Variants in ODAD2 observed in about 807,000 individuals in gnomAD.
The protein encoded by ODAD2 is outer dynein arm docking complex subunit 2.
Under a neutral mutation model 106.8 loss-of-function variants are expected in ODAD2, and 89 were observed. That is an observed-to-expected ratio of 0.83 (90% CI 0.70 to 0.99). The LOEUF (loss-of-function observed/expected upper bound fraction) is 0.99. Among genes scored for constraint, ODAD2 ranks in the 50% least tolerant of loss-of-function variants. The pLI is 0.00. For synonymous variants in ODAD2, 404 were observed against 436.2 expected, an observed-to-expected ratio of 0.93 and a Z score of 0.92; for missense variants, 1,168 against 1,238.5, an observed-to-expected ratio of 0.94 and a Z score of 0.85.
intron 10 of ODAD2, among the ~76,000 whole-genome samples, chr10:27,959,971 A>G (rs1285207384): frequency 6.6e-6 from 1 of 152,170 alleles, no homozygotes; most frequent in Non-Finnish European, 1.5e-5. Flanking sequence ...TAGAAATTTC[A>G]TAATACAAAA....
At chr10:27,874,794 C>A (rs889447977) in intron 17 of ODAD2, among the ~76,000 whole-genome samples, 4 of 152,148 alleles carry the variant, frequency 2.6e-5, no homozygotes, top group African/African-American at 9.7e-5. Context: ...AACATTTTTT[C>A]CTTCATTTCA....
At chr10:27,918,373 C>T (rs1029466881) in intron 16 of ODAD2, among the ~76,000 whole-genome samples, 1 of 151,836 alleles carries the variant, frequency 6.6e-6, no homozygotes, top group South Asian at 2.1e-4. Flanking sequence ...CCTTCCAAAA[C>T]AAATCATGGT....
chr10:27,854,451 A>AAT (rs1442075334), intron 19 of ODAD2, among the ~76,000 whole-genome samples: 3 of 152,214 alleles, frequency 2.0e-5, no homozygotes, highest in Admixed American at 2.0e-4. Context: ...CCGGAAATAA[A>AAT]TATTCATTAA....
chr10:27,992,635 G>A (rs956685898), intron 2 of ODAD2, among the ~76,000 whole-genome samples: 2 of 152,148 alleles, frequency 1.3e-5, no homozygotes, highest in African/African-American at 2.4e-5. Context: ...GCTGCAGTGA[G>A]CTATGATCAC....
chr10:27,899,303 G>C (rs983234600), intron 17 of ODAD2, among the ~76,000 whole-genome samples: 4 of 152,012 alleles, frequency 2.6e-5, no homozygotes, highest in Non-Finnish European at 4.4e-5. Flanking sequence ...CTTTTCCCAC[G>C]GTCTTTGCAA....
In ODAD2 at chr10:27,935,013, A is replaced by T. The variant is rs1212622135; in HGVS notation, c.2492T>A (p.Met831Lys). ...VGACAVEPES[M>K]MIIDRLDGVR... Reference sequence around the variant, plus strand: ...TTCCATCTCCAGGGCCACTTACATCATACTTTCAGGTTCTACTGCACAAGC... The same window carrying T: ...TTCCATCTCCAGGGCCACTTACATCTTACTTTCAGGTTCTACTGCACAAGC... The change falls in exon 16 of 20, where the codon ATG becomes AAG. Residue 831 changes from methionine (M) to lysine (K), a missense_variant. By Grantham distance (95) the Met-to-Lys change is moderately conservative. Transcript: ENST00000305242. 6 of 1,613,930 alleles carry T rather than the reference A, an allele frequency of 3.7e-6. No homozygotes were observed. In the East Asian group the frequency reaches 1.3e-4, roughly 36 times the overall value.
At chr10:27,863,721 C>T (rs1840239811) in intron 17 of ODAD2, among the ~76,000 whole-genome samples, 2 of 152,142 alleles carry the variant, frequency 1.3e-5, no homozygotes, top group South Asian at 4.1e-4. Flanking sequence ...AGGGCTGACT[C>T]CCCAAGGCCT....
chr10:27,864,825 C>T (rs898611717), intron 17 of ODAD2, among the ~76,000 whole-genome samples: 6 of 152,036 alleles, frequency 3.9e-5, no homozygotes, highest in Non-Finnish European at 7.4e-5. Flanking sequence ...ATCCCAACGG[C>T]GTATCAGGCA....
intron 10 of ODAD2, among the ~76,000 whole-genome samples, chr10:27,950,910 A>C (rs1306767876): frequency 2.0e-5 from 3 of 152,224 alleles, no homozygotes; most frequent in Non-Finnish European, 4.4e-5. Context: ...ATTAATTAAA[A>C]AATAGTTCAA....
At chr10:27,821,650 T>C (rs1232283196) in intron 19 of ODAD2, among the ~76,000 whole-genome samples, 1 of 152,194 alleles carries the variant, frequency 6.6e-6, no homozygotes, top group Non-Finnish European at 1.5e-5. Context: ...CGGAGCAAGG[T>C]GAGGGCAGTT....
chr10:27,812,849 C>T (rs1022558400), intron 19 of ODAD2, among the ~76,000 whole-genome samples: 1 of 152,198 alleles, frequency 6.6e-6, no homozygotes, highest in African/African-American at 2.4e-5. Context: ...AGACTCCTTC[C>T]TCCCCACTTT....
intron 17 of ODAD2, among the ~76,000 whole-genome samples, chr10:27,885,864 TA>T (rs1480047440): frequency 4.8e-4 from 53 of 110,658 alleles, no homozygotes; most frequent in Non-Finnish European, 6.6e-4. Context: ...TATTTATATA[TA>T]AAAATATATA....
intron 2 of ODAD2, 149 bp downstream of exon 2, chr10:27,994,770 T>C: frequency 1.3e-6 from 1 of 798,980 alleles, no homozygotes; most frequent in Non-Finnish European, 2.0e-6. Flanking sequence ...ATCCTCAGAC[T>C]TCACCTGTGT....
chr10:27,862,088 T>C (rs991491723), intron 18 of ODAD2, among the ~76,000 whole-genome samples: 11 of 152,222 alleles, frequency 7.2e-5, no homozygotes, highest in African/African-American at 2.2e-4. Context: ...ATTTCTAACG[T>C]TGGCATGAAG....
intron 17 of ODAD2, among the ~76,000 whole-genome samples, chr10:27,885,288 GA>G: frequency 6.6e-6 from 1 of 150,756 alleles, no homozygotes; most frequent in South Asian, 2.1e-4. Flanking sequence ...GAGGTGGGCA[GA>G]TCACGAGATC....
chr10:27,908,271 T>A (rs1843740401), intron 16 of ODAD2, among the ~76,000 whole-genome samples: 1 of 152,158 alleles, frequency 6.6e-6, no homozygotes, highest in Non-Finnish European at 1.5e-5. Context: ...AGTGCATCCT[T>A]TGTTGGGCAT....
At chr10:27,971,949 C>A (rs1848892107) in intron 7 of ODAD2, among the ~76,000 whole-genome samples, 1 of 152,134 alleles carries the variant, frequency 6.6e-6, no homozygotes, top group Non-Finnish European at 1.5e-5. Context: ...AGGAGTAATA[C>A]CATGCCAGCC....
chr10:27,836,644 AG>A (rs1298161196), intron 19 of ODAD2, among the ~76,000 whole-genome samples: 1 of 152,180 alleles, frequency 6.6e-6, no homozygotes, highest in Non-Finnish European at 1.5e-5. Flanking sequence ...ATGAGCTTGC[AG>A]GGTTCTTACC....
intron 19 of ODAD2, among the ~76,000 whole-genome samples, chr10:27,818,771 T>TA (rs2132831876): frequency 6.6e-6 from 1 of 152,338 alleles, no homozygotes; most frequent in East Asian, 1.9e-4. Context: ...GTTCTGGTCA[T>TA]TGTTGCTTTT....
Sources: allele counts gnomAD v4.1 joint callset (sites outside exome capture counted in the v4.1 genomes callset), GRCh38; gene constraint gnomAD v4.1.1; transcripts MANE v1.5; gene names NCBI Gene and HGNC (gene_info 2026-07-23, HGNC 2026-07-21).